CEP85L: variants seen among roughly 807,000 people sequenced by gnomAD.
The protein encoded by CEP85L is centrosomal protein 85L, also known as centrosomal protein of 85 kDa-like.
In CEP85L, 60 loss-of-function variants were observed where a neutral mutation model predicts 100.3. The ratio of observed to expected loss-of-function variants is 0.60; its 90% CI spans 0.49 to 0.74. CEP85L has a LOEUF of 0.74. CEP85L is among the 30% of genes least tolerant of loss of function. CEP85L has a pLI of 0.00. For synonymous variants in CEP85L, 319 were observed against 322.7 expected, an observed-to-expected ratio of 0.99 and a Z score of 0.12; for missense variants, 973 against 936.2, an observed-to-expected ratio of 1.04 and a Z score of -0.51.
At chr6:118,548,718 A>G (rs962226072) in intron 3 of CEP85L, among the ~76,000 whole-genome samples, 36 of 152,126 alleles carry the variant, frequency 2.4e-4, no homozygotes, top group African/African-American at 8.4e-4. Context: ...TTATGTTACC[A>G]TATTTGGTAG....
intron 5 of CEP85L, among the ~76,000 whole-genome samples, chr6:118,503,962 T>C (rs932760024): frequency 2.0e-5 from 3 of 151,894 alleles, no homozygotes; most frequent in African/African-American, 7.3e-5. Flanking sequence ...AAAAACTTTT[T>C]CCCTCCAAAA....
intron 1 of CEP85L, among the ~76,000 whole-genome samples, chr6:118,670,122 G>A (rs191377333): frequency 3.9e-5 from 6 of 151,938 alleles, no homozygotes; most frequent in Non-Finnish European, 8.8e-5. Context: ...CTATCAGAAC[G>A]GGCAGAATAT....
intron 1 of CEP85L, among the ~76,000 whole-genome samples, chr6:118,695,098 G>C (rs1777164374): frequency 6.6e-6 from 1 of 152,066 alleles, no homozygotes; most frequent in Admixed American, 6.5e-5. Context: ...ACTCTCTATA[G>C]ACGTGATCAA....
intron 1 of CEP85L, among the ~76,000 whole-genome samples, chr6:118,698,961 C>T (rs1777307016): frequency 6.6e-6 from 1 of 152,152 alleles, no homozygotes; most frequent in Non-Finnish European, 1.5e-5. Flanking sequence ...TGTCAGAATT[C>T]TGCCATTTAC....
chr6:118,532,189 A>G (rs1193846697), intron 3 of CEP85L, among the ~76,000 whole-genome samples: 1 of 152,194 alleles, frequency 6.6e-6, no homozygotes, highest in Non-Finnish European at 1.5e-5. Flanking sequence ...TAGCCATAAA[A>G]GAATAATATG....
At position 118,604,542 on chromosome 6, in the gene CEP85L, G is replaced by C. The variant is rs1301776856; in HGVS notation, c.232+27911C>G. ...ATTTTCCTTACACACCTTGCATATA[G>C]AACTGTTTCTTCAATAGTCTCAATT... is the stretch of plus-strand genomic sequence containing the variant. On this transcript the variant is annotated intron_variant, in intron 2 of 12. Coordinates refer to ENST00000368491, the MANE Select transcript of CEP85L (RefSeq NM_001042475.3). 3.9e-5 allele frequency among the ~76,000 whole-genome samples: 6 copies of C among 152,236 alleles called. No individual in the cohort carries two copies. The Middle Eastern group carries it at 0.01, about 259-fold the overall frequency.
chr6:118,494,699 C>G (rs565875854), intron 5 of CEP85L, among the ~76,000 whole-genome samples: 1 of 152,166 alleles, frequency 6.6e-6, no homozygotes, highest in African/African-American at 2.4e-5. Flanking sequence ...CCCTTCCCTG[C>G]ACACTTTACC....
At chr6:118,703,018 G>GCTA (rs899700795) in intron 1 of CEP85L, among the ~76,000 whole-genome samples, 3 of 145,464 alleles carry the variant, frequency 2.1e-5, no homozygotes, top group African/African-American at 7.7e-5. Flanking sequence ...AAAAAAAAGA[G>GCTA]CTAGAGTTCA....
intron 1 of CEP85L, among the ~76,000 whole-genome samples, chr6:118,660,177 A>G (rs1775924842): frequency 6.6e-6 from 1 of 152,242 alleles, no homozygotes; most frequent in Non-Finnish European, 1.5e-5. Context: ...CCAGAGGGTT[A>G]TGATGGGCTT....
intron 5 of CEP85L, among the ~76,000 whole-genome samples, chr6:118,508,649 T>G (rs1312559271): frequency 6.6e-6 from 1 of 152,066 alleles, no homozygotes; most frequent in African/African-American, 2.4e-5. Flanking sequence ...AAAATAGAAG[T>G]TACTTATTAA....
intron 2 of CEP85L, among the ~76,000 whole-genome samples, chr6:118,611,076 T>C (rs766265235): frequency 2.6e-5 from 4 of 152,066 alleles, no homozygotes; most frequent in East Asian, 3.8e-4. Flanking sequence ...CCTTGGAACA[T>C]ACAAAGGAAG....
chr6:118,633,533 TAGCTAATTTA>T (rs1253562047), intron 1 of CEP85L, among the ~76,000 whole-genome samples: 3 of 152,190 alleles, frequency 2.0e-5, no homozygotes, highest in Non-Finnish European at 4.4e-5. Context: ...AAATACTTTT[TAGCTAATTTA>T]AGGTTTTTCA....
chr6:118,666,873 T>C (rs1467172726), intron 1 of CEP85L, among the ~76,000 whole-genome samples: 1 of 152,024 alleles, frequency 6.6e-6, no homozygotes, highest in Admixed American at 6.6e-5. Context: ...ACCCTGAGAG[T>C]ACATGGGCAT....
At position 118,565,639 on chromosome 6, in the gene CEP85L, G is replaced by T; in HGVS notation, c.910C>A (p.Leu304Met). ...CTACCTTCCAAAGGATTTGTCCGCA[G>T]CTGCTCTGTAAGCCACATCTGAGTC... ...VRTQMWLTEQLRTNPLEGRNT... is the reference protein window; with the variant it reads ...VRTQMWLTEQMRTNPLEGRNT... The change falls in exon 3 of 13, where the codon CTG becomes ATG. Residue 304 changes from leucine (L) to methionine (M), a missense_variant. Physicochemically the swap from Leu to Met is conservative, Grantham distance 15. Around this residue, in one of 3 missense-constraint regions of CEP85L, gnomAD observed 890 missense variants for 844.5 expected, o/e 1.05. Coordinates refer to ENST00000368491, the MANE Select transcript of CEP85L (RefSeq NM_001042475.3). 1 of 1,614,198 alleles carries T rather than the reference G, an allele frequency of 6.2e-7. No homozygotes were observed. Among genetic ancestry groups the T allele is most frequent in the Non-Finnish European group, 8.5e-7 (1 of 1,180,024 alleles).
chr6:118,589,495 G>A, intron 2 of CEP85L: 1 of 254,506 alleles, frequency 3.9e-6, no homozygotes, highest in Non-Finnish European at 8.6e-6. Flanking sequence ...TGTGTCCCCT[G>A]GGAAAAGAAA....
At chr6:118,670,473 C>T (rs1048715684) in intron 1 of CEP85L, among the ~76,000 whole-genome samples, 3 of 151,626 alleles carry the variant, frequency 2.0e-5, no homozygotes, top group Non-Finnish European at 4.4e-5. Context: ...TTTGTGGCCA[C>T]GTGTACTCCA....
chr6:118,485,354 G>C (rs72969578), intron 6 of CEP85L, among the ~76,000 whole-genome samples: 3,839 of 152,090 alleles, frequency 0.025, 77 homozygotes, highest in Non-Finnish European at 0.036. Context: ...TCACAGTCTA[G>C]TTTCTTTCAT....
At chr6:118,589,115 C>A in intron 2 of CEP85L, 1 of 302,704 alleles carries the variant, frequency 3.3e-6, no homozygotes, top group South Asian at 4.3e-5. Flanking sequence ...GGATGATGCT[C>A]AGATATCAGA....
chr6:118,651,533 G>C lies in CEP85L; in HGVS notation c.-264C>G. The stretch of plus-strand genomic sequence containing the variant: ...GGCGACTCGGCGGTGACGGCTGCTA[G>C]ATCCCCGGCTGAGCCCAGGCTCAAA... On this transcript the variant is annotated 5_prime_UTR_variant, in exon 1 of 13. In the 5' UTR this introduces an upstream ATG that the reference lacks. Coordinates refer to ENST00000368491, the MANE Select transcript of CEP85L (RefSeq NM_001042475.3). The C allele has an allele frequency of 1.6e-6, 2 of 1,265,196 alleles. No individual in the cohort carries two copies. The highest frequency in any genetic ancestry group is 2.0e-6 in the Non-Finnish European group (2 of 1,005,520). The allele number at this position is 1,265,196 out of a possible 1,614,324, so 78.4% of individuals were successfully genotyped here.
Sources: gnomAD v4.1 joint callset for allele counts (sites outside exome capture counted in the v4.1 genomes callset) on GRCh38, gnomAD v4.1.1 for gene constraint, gnomAD v4.1.1 regional missense constraint, MANE v1.5 for transcripts, NCBI Gene and HGNC (gene_info 2026-07-23, HGNC 2026-07-21) for gene names.